Variants in TRAF3 observed in about 807,000 individuals in gnomAD.
The protein encoded by TRAF3 is TNF receptor associated factor 3.
A neutral mutation model predicts 62.3 loss-of-function variants in TRAF3; 13 were observed. The observed-to-expected ratio is 0.21, with a 90% confidence interval of 0.14 to 0.33. The LOEUF (loss-of-function observed/expected upper bound fraction) is 0.33, where lower values mean the gene tolerates loss of function less well. Among genes scored for constraint, TRAF3 ranks in the 10% least tolerant of loss-of-function variants. The probability of loss-of-function intolerance (pLI) is 1.00; values close to 1 mark genes in which losing one functional copy is unlikely to be tolerated. For synonymous variants in TRAF3, 269 were observed against 283.4 expected, an observed-to-expected ratio of 0.95 and a Z score of 0.51; for missense variants, 440 against 741.8, an observed-to-expected ratio of 0.59 and a Z score of 4.73.
At chr14:102,836,001 C>A (rs989852565) in intron 2 of TRAF3, among the ~76,000 whole-genome samples, 9 of 152,210 alleles carry the variant, frequency 5.9e-5, no homozygotes, top group African/African-American at 1.9e-4. Flanking sequence ...TTTGAGGTTA[C>A]ACTGAGCTGT....
chr14:102,789,843 C>T (rs1202561006), intron 1 of TRAF3, among the ~76,000 whole-genome samples: 4 of 150,562 alleles, frequency 2.7e-5, no homozygotes, highest in African/African-American at 4.9e-5. Context: ...TTTTTGAGAC[C>T]GAGTCTCCTT....
At chr14:102,886,111 G>A (rs1377855658) in intron 6 of TRAF3, 78 bp from the exon 7 acceptor site, 18 of 1,473,058 alleles carry the variant, frequency 1.2e-5, no homozygotes, top group Non-Finnish European at 1.4e-5. Context: ...CATTCCTGGG[G>A]GCCCCATGGG....
chr14:102,811,414 G>A (rs1185175373), intron 1 of TRAF3, among the ~76,000 whole-genome samples: 2 of 151,690 alleles, frequency 1.3e-5, no homozygotes, highest in Admixed American at 1.3e-4. Flanking sequence ...CAGCCATGAA[G>A]TCCTGGGCTT....
At chr14:102,847,226 A>G (rs1265676768) in intron 2 of TRAF3, among the ~76,000 whole-genome samples, 5 of 152,138 alleles carry the variant, frequency 3.3e-5, no homozygotes, top group Non-Finnish European at 7.4e-5. Context: ...ACTGGAGTGC[A>G]GTGGTGTGCA....
intron 6 of TRAF3, among the ~76,000 whole-genome samples, chr14:102,885,774 G>A (rs772621333): frequency 1.5e-4 from 23 of 152,224 alleles, no homozygotes; most frequent in Non-Finnish European, 2.8e-4. Context: ...AACCAGCAGA[G>A]GCAGACACCA....
intron 10 of TRAF3, among the ~76,000 whole-genome samples, 178 bp downstream of exon 10, chr14:102,897,579 G>A (rs1251409401): frequency 6.6e-6 from 1 of 152,146 alleles, no homozygotes; most frequent in East Asian, 1.9e-4. Context: ...CACAGGCCCG[G>A]CCTGGGAAGC....
At chr14:102,887,104 A>G (rs1276588537) in intron 7 of TRAF3, among the ~76,000 whole-genome samples, 1 of 152,202 alleles carries the variant, frequency 6.6e-6, no homozygotes, top group African/African-American at 2.4e-5. Context: ...ACTTCACTTG[A>G]TCAGGATATG....
intron 5 of TRAF3, among the ~76,000 whole-genome samples, chr14:102,876,055 G>A (rs1888631130): frequency 6.6e-6 from 1 of 151,978 alleles, no homozygotes; most frequent in East Asian, 1.9e-4. Flanking sequence ...TTTTTAGTTA[G>A]TACCATATTT....
In TRAF3 at chr14:102,862,401, C is replaced by CA. The variant is rs34141177; in HGVS notation, c.-17-7764dup. Among the ~76,000 whole-genome samples the CA allele has an allele frequency of 2.0e-3, 214 of 107,852 alleles. 1 individual carries two copies. In the Middle Eastern group the frequency reaches 0.022, roughly 11 times the overall value. 70.8% of individuals were successfully genotyped at this position (107,852 alleles called of 152,430 possible). On this transcript the variant is annotated intron_variant, in intron 2 of 11. Coordinates refer to ENST00000392745, the MANE Select transcript of TRAF3 (RefSeq NM_145725.3). ...GGGTGACAGAGTAAGATCCCTTCTC[C>CA]AAAAAAAAAAAAAAAAAAAATTATT...
chr14:102,882,132 G>A (rs181641417), intron 6 of TRAF3, among the ~76,000 whole-genome samples: 1 of 152,306 alleles, frequency 6.6e-6, no homozygotes, highest in Non-Finnish European at 1.5e-5. Context: ...CAATAGCTTA[G>A]CCGGAGTGTC....
At chr14:102,837,529 CTTA>C (rs941383833) in intron 2 of TRAF3, among the ~76,000 whole-genome samples, 1 of 152,028 alleles carries the variant, frequency 6.6e-6, no homozygotes, top group Non-Finnish European at 1.5e-5. Flanking sequence ...AGGCACTAGC[CTTA>C]TTTGGTTCAG....
At chr14:102,781,965 T>C (rs996383002) in intron 1 of TRAF3, among the ~76,000 whole-genome samples, 2 of 151,964 alleles carry the variant, frequency 1.3e-5, no homozygotes, top group African/African-American at 4.8e-5. Flanking sequence ...GGCTAATTTT[T>C]GTATTTTTAG....
intron 9 of TRAF3, among the ~76,000 whole-genome samples, chr14:102,895,680 A>G (rs4906269): frequency 6.6e-6 from 1 of 152,072 alleles, no homozygotes; most frequent in Non-Finnish European, 1.5e-5. Context: ...CCTTTGTAAA[A>G]ATCTTGTGAG....
intron 6 of TRAF3, 40 bp downstream of exon 6, chr14:102,876,565 CT>C: frequency 6.2e-7 from 1 of 1,604,972 alleles, no homozygotes; most frequent in Non-Finnish European, 8.5e-7. Context: ...CACTCAATTC[CT>C]ATATGATACA....
Position 102,793,638 on chromosome 14 carries a change from T to C in TRAF3, c.-157+15963T>C, listed in dbSNP as rs148033792. Among the ~76,000 whole-genome samples the C allele has an allele frequency of 6.2e-3, 939 of 152,318 alleles. 2 individuals are homozygous for C. Among genetic ancestry groups the C allele is most frequent in the Middle Eastern group, 0.017 (5 of 294 alleles). On this transcript the variant is annotated intron_variant, in intron 1 of 11. Coordinates refer to ENST00000392745, the MANE Select transcript of TRAF3 (RefSeq NM_145725.3). ...GACACATTCATGTTGTAGTGCCAGC[T>C]GTAAGCATAGGAGTTGCACTTAATG...
chr14:102,887,720 G>C (rs1242709075), intron 7 of TRAF3, among the ~76,000 whole-genome samples: 1 of 151,586 alleles, frequency 6.6e-6, no homozygotes, highest in Non-Finnish European at 1.5e-5. Context: ...TCAGCCTCCC[G>C]AGTAGCTGGG....
At chr14:102,843,557 C>G (rs185213950) in intron 2 of TRAF3, among the ~76,000 whole-genome samples, 1 of 152,098 alleles carries the variant, frequency 6.6e-6, no homozygotes, top group African/African-American at 2.4e-5. Context: ...AGGCTGGTCT[C>G]GAACTCCTGA....
intron 2 of TRAF3, among the ~76,000 whole-genome samples, chr14:102,833,441 G>A (rs568021331): frequency 2.4e-4 from 36 of 152,230 alleles, no homozygotes; most frequent in African/African-American, 7.2e-4. Context: ...GTCTCATGTT[G>A]CGAATGGATC....
At chr14:102,796,011 G>GT (rs1292489926) in intron 1 of TRAF3, among the ~76,000 whole-genome samples, 1 of 152,212 alleles carries the variant, frequency 6.6e-6, no homozygotes, top group Non-Finnish European at 1.5e-5. Flanking sequence ...GAGGTCAGGA[G>GT]TTTGAGACCA....
Sources: allele counts gnomAD v4.1 joint callset (sites outside exome capture counted in the v4.1 genomes callset), GRCh38; gene constraint gnomAD v4.1.1; transcripts MANE v1.5; gene names NCBI Gene and HGNC (gene_info 2026-07-23, HGNC 2026-07-21).